MYO16: variants seen among roughly 807,000 people sequenced by gnomAD.
The protein encoded by MYO16 is myosin XVI, also known as unconventional myosin-XVI.
Under a neutral mutation model 205.3 loss-of-function variants are expected in MYO16, and 94 were observed. The ratio of observed to expected loss-of-function variants is 0.46; its 90% confidence interval spans 0.39 to 0.54. The LOEUF is 0.54. Ranked by LOEUF, MYO16 falls within the 20% of genes least tolerant of loss-of-function variation. The pLI is 0.00. For synonymous variants in MYO16, 988 were observed against 954.0 expected (o/e 1.04, Z -0.66); for missense variants, 2,315 against 2,387.5 (o/e 0.97, Z 0.63).
At chr13:109,086,459 G>A (rs1263284576) in intron 27 of MYO16, among the ~76,000 whole-genome samples, 1 of 152,220 alleles carries the variant, frequency 6.6e-6, no homozygotes, top group Non-Finnish European at 1.5e-5. Context: ...GATATTAAGA[G>A]ATGAACCATC....
intron 27 of MYO16, among the ~76,000 whole-genome samples, chr13:109,083,471 T>C (rs1412272318): frequency 6.8e-6 from 1 of 147,996 alleles, no homozygotes; most frequent in African/African-American, 2.5e-5. Flanking sequence ...AATTGTCCAT[T>C]GGGTCTGTGA....
chr13:108,873,795 GGTCC>G (rs1214876924), intron 12 of MYO16, among the ~76,000 whole-genome samples: 6 of 151,952 alleles, frequency 3.9e-5, no homozygotes, highest in African/African-American at 9.7e-5. Flanking sequence ...ACCAGGACAG[GGTCC>G]ATGCCAACCA....
At chr13:109,136,531 A>T (rs1225290308) in intron 31 of MYO16, among the ~76,000 whole-genome samples, 1 of 152,074 alleles carries the variant, frequency 6.6e-6, no homozygotes, top group African/African-American at 2.4e-5. Flanking sequence ...TATCCTCATG[A>T]TTTACTCTAG....
chr13:108,591,778 T>C (rs865948183), upstream of MYO16, among the ~76,000 whole-genome samples: 1 of 152,150 alleles, frequency 6.6e-6, no homozygotes, highest in African/African-American at 2.4e-5. Context: ...AGAAGTTAAA[T>C]AGGCTTTTAT....
At chr13:109,029,661 A>G (rs771056839) in intron 23 of MYO16, among the ~76,000 whole-genome samples, 1 of 152,198 alleles carries the variant, frequency 6.6e-6, no homozygotes, top group African/African-American at 2.4e-5. Context: ...AAGCTATTTG[A>G]CAAAGGTATT....
chr13:108,849,616 CTTTTGTGTGTGTGT>C (rs1443114511), intron 10 of MYO16, among the ~76,000 whole-genome samples: 5 of 77,820 alleles, frequency 6.4e-5, no homozygotes, highest in Admixed American at 1.6e-4. Context: ...TGAATTTCCT[CTTTTGTGTGTGTGT>C]GTGTGTGTGT....
Position 109,062,082 on chromosome 13 carries a change from AAGAG to A in MYO16, c.3335+6499_3335+6502del, listed in dbSNP as rs66647525. 5.5e-5 allele frequency among the ~76,000 whole-genome samples: 7 copies of A among 127,226 alleles called. No homozygotes were observed. In the East Asian group the frequency reaches 7.8e-4, roughly 14 times the overall value. The allele number at this position is 127,226 out of a possible 152,430, so 83.5% of individuals were successfully genotyped here. ...TTCCCCAGAAGAGAGTGGAGGGAGA[AAGAG>A]AGAGAGAGAGATATCATAAAATTAG... is the stretch of plus-strand genomic sequence containing the variant. On this transcript the variant is annotated intron_variant, in intron 27 of 34. Coordinates refer to ENST00000457511, the MANE Select transcript of MYO16 (RefSeq NM_001198950.3).
intron 20 of MYO16, among the ~76,000 whole-genome samples, chr13:108,969,669 T>A (rs1883935077): frequency 6.6e-6 from 1 of 152,212 alleles, no homozygotes; most frequent in Non-Finnish European, 1.5e-5. Flanking sequence ...TGCCAGGGCT[T>A]CTTTTACAGT....
intron 32 of MYO16, among the ~76,000 whole-genome samples, chr13:109,152,349 A>G (rs879313268): frequency 1.3e-5 from 2 of 152,226 alleles, no homozygotes; most frequent in Non-Finnish European, 2.9e-5. Flanking sequence ...TATTTGCACC[A>G]CATAAACATT....
intron 9 of MYO16, among the ~76,000 whole-genome samples, chr13:108,841,863 T>C (rs890424738): frequency 6.6e-6 from 1 of 152,108 alleles, no homozygotes; most frequent in African/African-American, 2.4e-5. Flanking sequence ...AGTATGATAG[T>C]GGCAATAAAA....
At chr13:108,587,815 G>A in the MYO16 span, among the ~76,000 whole-genome samples, 2 of 151,680 alleles carry the variant, frequency 1.3e-5, no homozygotes, top group East Asian at 3.9e-4. Context: ...CAATCAGGTG[G>A]CATTCTAAGA....
At chr13:108,612,001 A>G (rs1263404230) in intron 1 of MYO16, among the ~76,000 whole-genome samples, 4 of 111,690 alleles carry the variant, frequency 3.6e-5, no homozygotes, top group Non-Finnish European at 5.0e-5. Context: ...TTTGAGACGG[A>G]GTCTCGCTCT....
chr13:108,934,944 A>G (rs1042740435), intron 16 of MYO16, among the ~76,000 whole-genome samples: 1 of 151,860 alleles, frequency 6.6e-6, no homozygotes, highest in African/African-American at 2.4e-5. Flanking sequence ...TTAAGTGGCT[A>G]TATTTCTGGG....
chr13:109,022,991 T>C (rs1886144606), intron 23 of MYO16, among the ~76,000 whole-genome samples: 1 of 135,136 alleles, frequency 7.4e-6, no homozygotes, highest in Non-Finnish European at 1.5e-5. Context: ...GGTATATATT[T>C]ATATATTATA....
Position 108,972,205 on chromosome 13 carries a change from G to GTC in MYO16, c.2369+7347_2369+7348dup, listed in dbSNP as rs749547949. 1.5e-3 allele frequency among the ~76,000 whole-genome samples: 17 copies of GTC among 11,140 alleles called. 1 individual carries two copies. The highest frequency in any genetic ancestry group is 2.7e-3 in the Admixed American group (2 of 750). The allele number at this position is 11,140 out of a possible 152,430, so 7.3% of individuals were successfully genotyped here. On this transcript the variant is annotated intron_variant, in intron 20 of 34. Coordinates refer to ENST00000457511, the MANE Select transcript of MYO16 (RefSeq NM_001198950.3). The stretch of plus-strand genomic sequence containing the variant: ...AGCCTGGATGACAGACTGAGACCCT[G>GTC]TCTCTCTCTCTCTCTCTCTCTCTCT...
chr13:108,889,252 C>CT (rs372317504), intron 14 of MYO16, among the ~76,000 whole-genome samples: 2 of 8,046 alleles, frequency 2.5e-4, no homozygotes, highest in Non-Finnish European at 4.5e-4. Context: ...AGATTTTAAA[C>CT]TATTTGGAAA....
chr13:108,649,935 T>C (rs7330492), intron 1 of MYO16, among the ~76,000 whole-genome samples: 20,845 of 152,126 alleles, frequency 0.14, 2,790 homozygotes, highest in African/African-American at 0.34. Flanking sequence ...CTATAAAATA[T>C]ATGTAAAACC....
intron 33 of MYO16, among the ~76,000 whole-genome samples, chr13:109,171,086 C>A (rs928260568): frequency 1.3e-5 from 2 of 152,140 alleles, no homozygotes; most frequent in African/African-American, 4.8e-5. Context: ...GGAACTTTCC[C>A]CATGATTTTT....
intron 16 of MYO16, among the ~76,000 whole-genome samples, chr13:108,914,121 T>C (rs112466599): frequency 0.014 from 2,092 of 149,588 alleles, 55 homozygotes; most frequent in African/African-American, 0.048. Flanking sequence ...GTATTTACTA[T>C]TGTTAATATA....
Sources: gnomAD v4.1 joint callset for allele counts (sites outside exome capture counted in the v4.1 genomes callset) on GRCh38, gnomAD v4.1.1 for gene constraint, MANE v1.5 for transcripts, NCBI Gene and HGNC (gene_info 2026-07-23, HGNC 2026-07-21) for gene names.